Variants in DTNA observed in about 807,000 individuals in gnomAD.
The protein encoded by DTNA is dystrophin-related protein 3.
DTNA carries 43 observed loss-of-function variants against 100.7 expected under a neutral mutation model. The observed-to-expected ratio is 0.43, with a 90% CI of 0.33 to 0.55. The LOEUF is 0.55. DTNA is among the 20% of genes least tolerant of loss of function. The probability of loss-of-function intolerance (pLI) is 0.04; values close to 1 mark genes in which losing one functional copy is unlikely to be tolerated. For missense variants in DTNA, 798 were observed against 953.9 expected, an observed-to-expected ratio of 0.84 and a Z score of 2.15; for synonymous variants, 349 against 347.9, an observed-to-expected ratio of 1.00 and a Z score of -0.04.
At chr18:34,838,964 T>C in intron 13 of DTNA, 127 bp downstream of exon 13, 2 of 770,632 alleles carry the variant, frequency 2.6e-6, no homozygotes, top group Non-Finnish European at 4.6e-6. Context: ...GTTAACTGGT[T>C]CAGTTAAGAA....
intron 1 of DTNA, among the ~76,000 whole-genome samples, chr18:34,567,479 A>C (rs2047184241): frequency 6.6e-6 from 1 of 152,170 alleles, no homozygotes; most frequent in African/African-American, 2.4e-5. Context: ...TTTGTTTTAT[A>C]AATACTTTGT....
intron 1 of DTNA, among the ~76,000 whole-genome samples, chr18:34,563,691 C>T (rs2046837078): frequency 6.6e-6 from 1 of 152,116 alleles, no homozygotes; most frequent in African/African-American, 2.4e-5. Context: ...TTATAACTGA[C>T]AAATTAAAAT....
intron 1 of DTNA, among the ~76,000 whole-genome samples, chr18:34,551,932 C>T (rs2045469542): frequency 1.3e-5 from 2 of 152,032 alleles, no homozygotes; most frequent in Admixed American, 6.6e-5. Context: ...ATTCAACTGG[C>T]CTTATATTTC....
rs141740495 is a variant in DTNA, at chr18:34,505,791, C to T, written c.-2+12277C>T. ...GTTTTTCTTATGACTGCTTTAAAAA[C>T]TTTGTCAAATAATTCTAACATCTCT... On this transcript the variant is annotated intron_variant, in intron 1 of 19. Transcript: ENST00000283365. Among the ~76,000 whole-genome samples, 1,473 of 152,244 alleles carry T rather than the reference C, an allele frequency of 9.7e-3. 13 individuals carry two copies. The highest frequency in any genetic ancestry group is 0.037 in the Middle Eastern group (11 of 294).
intron 1 of DTNA, among the ~76,000 whole-genome samples, chr18:34,618,275 T>G (rs1951807757): frequency 6.6e-6 from 1 of 152,186 alleles, no homozygotes; most frequent in Non-Finnish European, 1.5e-5. Context: ...CAGCCTAAAG[T>G]ATCTCATTTT....
chr18:34,545,449 CT>C (rs2044677008), intron 1 of DTNA, among the ~76,000 whole-genome samples: 1 of 151,974 alleles, frequency 6.6e-6, no homozygotes, highest in South Asian at 2.1e-4. Context: ...TATATATTTT[CT>C]AATGTGTGAT....
chr18:34,514,791 G>T (rs1458483812), intron 1 of DTNA, among the ~76,000 whole-genome samples: 3 of 151,844 alleles, frequency 2.0e-5, no homozygotes, highest in African/African-American at 7.3e-5. Flanking sequence ...TTTTCATAAG[G>T]GAATTAATAC....
intron 9 of DTNA, among the ~76,000 whole-genome samples, chr18:34,827,311 A>G (rs1054309046): frequency 6.6e-6 from 1 of 152,190 alleles, no homozygotes; most frequent in Non-Finnish European, 1.5e-5. Flanking sequence ...TTCATTCCAG[A>G]ATATTATACA....
intron 1 of DTNA, among the ~76,000 whole-genome samples, chr18:34,712,444 T>A (rs542443136): frequency 6.6e-6 from 1 of 152,158 alleles, no homozygotes; most frequent in Non-Finnish European, 1.5e-5. Context: ...AGTTATGGGC[T>A]ACCAGCCAGC....
Position 34,838,172 on chromosome 18 carries a change from G to C in DTNA, c.1253+1G>C. 6.2e-7 allele frequency: 1 copy of C among 1,613,756 alleles called. No homozygotes were observed. ...CTCCAGCTTTTCTGAAGGGCAAAGG[G>C]TAAGTTACAGCCAGAGTGTACTGGA... On this transcript the variant is annotated splice_donor_variant, in intron 12 of 22. Transcript: ENST00000444659. LOFTEE classifies it high-confidence loss of function.
At chr18:34,665,318 G>A (rs527335488) in intron 1 of DTNA, among the ~76,000 whole-genome samples, 6 of 152,144 alleles carry the variant, frequency 3.9e-5, no homozygotes, top group Admixed American at 2.6e-4. Flanking sequence ...CTAAGAATTT[G>A]TCAATGAAAT....
intron 1 of DTNA, among the ~76,000 whole-genome samples, chr18:34,610,975 G>T (rs936109859): frequency 5.3e-5 from 8 of 152,124 alleles, no homozygotes; most frequent in Non-Finnish European, 1.0e-4. Context: ...CACAAATTAT[G>T]CAATTAATTA....
At chr18:34,828,478 A>C (rs1278517057) in intron 10 of DTNA, among the ~76,000 whole-genome samples, 2 of 152,210 alleles carry the variant, frequency 1.3e-5, no homozygotes, top group Non-Finnish European at 2.9e-5. Context: ...GTACAGCCTC[A>C]TATTTCACAA....
At chr18:34,830,950 G>A (rs950364820) in intron 11 of DTNA, among the ~76,000 whole-genome samples, 1 of 152,032 alleles carries the variant, frequency 6.6e-6, no homozygotes, top group Non-Finnish European at 1.5e-5. Context: ...GAAAGTTAGT[G>A]TATTATTATT....
chr18:34,807,856 C>CT (rs1190591730), intron 5 of DTNA, among the ~76,000 whole-genome samples: 140 of 102,634 alleles, frequency 1.4e-3, no homozygotes, highest in African/African-American at 2.2e-3. Context: ...TTTTTTTTTT[C>CT]TTTTTTTTTT....
At chr18:34,729,402 T>C (rs1324078382) in intron 1 of DTNA, among the ~76,000 whole-genome samples, 1 of 152,174 alleles carries the variant, frequency 6.6e-6, no homozygotes, top group Non-Finnish European at 1.5e-5. Context: ...AGAGACATTC[T>C]GTGTTTCTGT....
At chr18:34,751,754 A>G (rs886654441) in intron 1 of DTNA, among the ~76,000 whole-genome samples, 3 of 152,228 alleles carry the variant, frequency 2.0e-5, no homozygotes, top group Non-Finnish European at 4.4e-5. Context: ...ATCTTACAGT[A>G]CATATTTTCA....
intron 1 of DTNA, among the ~76,000 whole-genome samples, chr18:34,542,352 A>G (rs559765697): frequency 2.8e-4 from 42 of 152,194 alleles, no homozygotes; most frequent in African/African-American, 1.0e-3. Flanking sequence ...AATATTTCCT[A>G]GCTTCCAGAA....
At chr18:34,727,775 G>A (rs1169174761) in intron 1 of DTNA, among the ~76,000 whole-genome samples, 1 of 152,148 alleles carries the variant, frequency 6.6e-6, no homozygotes, top group African/African-American at 2.4e-5. Context: ...ATGTTGGTCA[G>A]GCTAGTGTCA....
Sources: allele counts gnomAD v4.1 joint callset (sites outside exome capture counted in the v4.1 genomes callset), GRCh38; gene constraint gnomAD v4.1.1; transcripts MANE v1.5; gene names NCBI Gene and HGNC (gene_info 2026-07-23, HGNC 2026-07-21).